PCDHGA3: variants seen among roughly 807,000 people sequenced by gnomAD.
The protein encoded by PCDHGA3 is protocadherin gamma subfamily A, 3.
A neutral mutation model predicts 58.5 loss-of-function variants in PCDHGA3; 40 were observed. The ratio of observed to expected loss-of-function variants is 0.68; its 90% confidence interval spans 0.53 to 0.89. The LOEUF is 0.89. Ranked by LOEUF, PCDHGA3 falls within the 40% of genes least tolerant of loss-of-function variation. The probability of loss-of-function intolerance (pLI) is 0.00; values close to 1 mark genes in which losing one functional copy is unlikely to be tolerated. For missense variants in PCDHGA3, 1,223 were observed against 1,195.9 expected, an observed-to-expected ratio of 1.02 and a Z score of -0.33; for synonymous variants, 530 against 525.7, an observed-to-expected ratio of 1.01 and a Z score of -0.11.
At chr5:141,419,797 A>G (rs371201079) in intron 1 of PCDHGA3, 14 of 1,613,920 alleles carry the variant, frequency 8.7e-6, no homozygotes, top group Non-Finnish European at 1.1e-5. Flanking sequence ...TAGTCGCTGT[A>G]AGAGATGGAG....
chr5:141,346,786 A>G lies in PCDHGA3; in HGVS notation c.2424+329A>G, dbSNP rs546937731. ...CTTCTACCTGGGTCCTTGAGTAACT[A>G]TGATGAGAGAAACACAACACTGGTT... On this transcript the variant is annotated intron_variant, in intron 1 of 3. Transcript: ENST00000253812. 2.0e-5 allele frequency among the ~76,000 whole-genome samples: 3 copies of G among 152,358 alleles called. No individual in the cohort carries two copies. In the East Asian group the frequency reaches 5.8e-4, roughly 29 times the overall value.
intron 1 of PCDHGA3, chr5:141,403,871 C>T: frequency 1.2e-6 from 2 of 1,613,602 alleles, no homozygotes; most frequent in Admixed American, 1.7e-5. Flanking sequence ...AGCAAAAAGT[C>T]TAGATTATGA....
At chr5:141,352,455 G>C in intron 1 of PCDHGA3, 8 of 1,613,978 alleles carry the variant, frequency 5.0e-6, no homozygotes, top group Non-Finnish European at 6.8e-6. Context: ...TCCAAGTCTG[G>C]GCCCGGGGTT....
At chr5:141,408,450 A>C in intron 1 of PCDHGA3, 1 of 1,613,944 alleles carries the variant, frequency 6.2e-7, no homozygotes, top group Non-Finnish European at 8.5e-7. Flanking sequence ...GAGAGCGGGG[A>C]CTTACTTGTG....
chr5:141,372,340 G>A lies in PCDHGA3; in HGVS notation c.2424+25883G>A, dbSNP rs754973851. 4 of 1,613,790 alleles carry A rather than the reference G, an allele frequency of 2.5e-6. No individual in the cohort carries two copies. In the South Asian group the frequency reaches 4.4e-5, roughly 18 times the overall value. On this transcript the variant is annotated intron_variant, in intron 1 of 3. Transcript: ENST00000253812. ...CGCCTGCTGGTCACTGTGCGTGATG[G>A]AGGACAGCAGCCTCTTTCAGCCACC...
At chr5:141,494,972 C>T (rs1005793988) in intron 2 of PCDHGA3, 107 bp downstream of exon 2, 69 of 1,581,734 alleles carry the variant, frequency 4.4e-5, no homozygotes, top group Non-Finnish European at 5.9e-5. Context: ...TGGCTTCTCC[C>T]TCAGTTTGAG....
chr5:141,422,580 C>T (rs1310564205), intron 1 of PCDHGA3: 10 of 1,613,934 alleles, frequency 6.2e-6, no homozygotes, highest in Non-Finnish European at 8.5e-6. Flanking sequence ...ATAACCCTCC[C>T]GTTTTTCCTC....
At position 141,416,345 on chromosome 5, in the gene PCDHGA3, A is replaced by T. The variant is rs542527661; in HGVS notation, c.2424+69888A>T. ...ATTTAACTTTCATTGCTCAATAGGG[A>T]TCCTGAGGAGGCTATAGAGGGTGAA... On this transcript the variant is annotated intron_variant, in intron 1 of 3. Transcript: ENST00000253812. The T allele has an allele frequency of 4.6e-5, 7 of 152,330 alleles. No homozygotes were observed. In the East Asian group the frequency reaches 1.3e-3, roughly 29 times the overall value. The allele number at this position is 152,330 out of a possible 1,614,324, so 9.4% of individuals were successfully genotyped here. A position where few individuals can be genotyped will look rare whatever the true frequency, so the allele number is the denominator to read the frequency against.
intron 1 of PCDHGA3, chr5:141,370,352 C>T (rs1169280813): frequency 6.7e-7 from 1 of 1,499,528 alleles, no homozygotes; most frequent in Non-Finnish European, 8.9e-7. Flanking sequence ...ATTTAAAGAT[C>T]TCCTCTCCTC....
In PCDHGA3 at chr5:141,345,028, A is replaced by C. The variant is rs748428255; in HGVS notation, c.995A>C (p.Lys332Thr). 2 of 1,614,052 alleles carry C rather than the reference A, an allele frequency of 1.2e-6. No individual in the cohort carries two copies. The highest frequency in any genetic ancestry group is 4.5e-5 in the East Asian group (2 of 44,882). The part of the protein sequence containing the change: ...QDGPGLLSRA[K>T]ILVTVLDVND... ...GGACCAGGTCTTCTTTCAAGAGCCAAGATTCTAGTCACGGTTCTGGATGTG... is the reference window on the plus strand; with the variant it reads ...GGACCAGGTCTTCTTTCAAGAGCCACGATTCTAGTCACGGTTCTGGATGTG... The change falls in exon 1 of 4, where the codon AAG becomes ACG. Residue 332 changes from lysine to threonine, a missense_variant. Lys to Thr is a moderately conservative substitution (Grantham distance 78). This residue lies in a region of PCDHGA3 where 791 missense variants were observed against 708.5 expected (regional missense o/e 1.12). Transcript: ENST00000253812.
rs746642302 is a variant in PCDHGA3, at chr5:141,491,107, A to G, written c.2425-3700A>G. The stretch of plus-strand genomic sequence containing the variant: ...AGCCCCAGGACTGTTCCTCGTGTCT[A>G]CACACACTGGTGAGGTGCGCACAGC... On this transcript the variant is annotated intron_variant, in intron 1 of 3. Coordinates refer to ENST00000253812, the MANE Select transcript of PCDHGA3 (RefSeq NM_018916.4). The surrounding 1 kb of genome is among the most constrained non-coding windows in gnomAD (Gnocchi z 6.9). 2.5e-6 allele frequency: 4 copies of G among 1,614,148 alleles called. No homozygotes were observed. Among genetic ancestry groups the G allele is most frequent in the Non-Finnish European group, 2.5e-6 (3 of 1,180,014 alleles).
chr5:141,398,985 A>C, intron 1 of PCDHGA3: 2 of 1,613,964 alleles, frequency 1.2e-6, no homozygotes, highest in Non-Finnish European at 1.7e-6. Context: ...GAACCGGGCA[A>C]ATCTTTAGTC....
At chr5:141,401,728 T>G (rs1476616709) in intron 1 of PCDHGA3, among the ~76,000 whole-genome samples, 2 of 152,174 alleles carry the variant, frequency 1.3e-5, no homozygotes, top group Non-Finnish European at 2.9e-5. Context: ...AAACTACTAG[T>G]CTTGTGTACA....
chr5:141,481,694 C>A (rs2099542163), intron 1 of PCDHGA3, among the ~76,000 whole-genome samples: 1 of 152,130 alleles, frequency 6.6e-6, no homozygotes, highest in South Asian at 2.1e-4. Flanking sequence ...TGGCTCACGC[C>A]TGTAATCCCA....
At position 141,371,777 on chromosome 5, in the gene PCDHGA3, A is replaced by G. The variant is rs368442078; in HGVS notation, c.2424+25320A>G. On this transcript the variant is annotated intron_variant, in intron 1 of 3. Coordinates refer to ENST00000253812, the MANE Select transcript of PCDHGA3 (RefSeq NM_018916.4). ...ACCAGGCCTCCTACACCGTGCATGT[A>G]GCTGAGAACAATCCGCCTGGAGCCT... The G allele has an allele frequency of 9.9e-6, 16 of 1,613,872 alleles. No individual in the cohort carries two copies. In the African/African-American group the frequency reaches 1.7e-4, roughly 17 times the overall value.
Position 141,387,745 on chromosome 5 carries a change from C to T in PCDHGA3, c.2424+41288C>T, listed in dbSNP as rs933790239. On this transcript the variant is annotated intron_variant, in intron 1 of 3. Coordinates refer to ENST00000253812, the MANE Select transcript of PCDHGA3 (RefSeq NM_018916.4). ...CCCAGCGCCAGCCTTTACACCGCTT[C>T]CTCCTCGGAAAAAGAAGAATTTTTT... 4 of 1,355,066 alleles carry T rather than the reference C, an allele frequency of 3.0e-6. No homozygotes were observed. In the Admixed American group the frequency reaches 8.1e-5, roughly 28 times the overall value. 83.9% of individuals were successfully genotyped at this position (1,355,066 alleles called of 1,614,324 possible).
rs779342119 is a variant in PCDHGA3 at position 141,360,661 on chromosome 5, G to A, written c.2424+14204G>A. 5 of 1,613,944 alleles carry A rather than the reference G, an allele frequency of 3.1e-6. No individual in the cohort carries two copies. The highest frequency in any genetic ancestry group is 4.2e-6 in the Non-Finnish European group (5 of 1,179,902). On this transcript the variant is annotated intron_variant, in intron 1 of 3. Coordinates refer to ENST00000253812, the MANE Select transcript of PCDHGA3 (RefSeq NM_018916.4). ...ACAAAGATACCACCTTAATGACAACGAGTACTTTGATCTCGCTGAGAAACA... is the reference window on the plus strand; with the variant it reads ...ACAAAGATACCACCTTAATGACAACAAGTACTTTGATCTCGCTGAGAAACA...
chr5:141,413,639 G>A (rs893578830), intron 1 of PCDHGA3: 2 of 1,613,854 alleles, frequency 1.2e-6, no homozygotes, highest in Non-Finnish European at 1.7e-6. Context: ...GCGGGAATGC[G>A]TTTTCCTCTC....
At chr5:141,452,897 T>C (rs1447851469) in intron 1 of PCDHGA3, among the ~76,000 whole-genome samples, 1 of 152,230 alleles carries the variant, frequency 6.6e-6, no homozygotes, top group Non-Finnish European at 1.5e-5. Flanking sequence ...CCACTTTTAT[T>C]AGTTGGCATT....
Sources: allele counts gnomAD v4.1 joint callset (sites outside exome capture counted in the v4.1 genomes callset), GRCh38; gene constraint gnomAD v4.1.1; regional missense constraint gnomAD v4.1.1; non-coding constraint Gnocchi (gnomAD v3.1); transcripts MANE v1.5; gene names NCBI Gene and HGNC (gene_info 2026-07-23, HGNC 2026-07-21).